CXADR: variants seen among roughly 807,000 people sequenced by gnomAD.
The protein encoded by CXADR is CXADR cell adhesion molecule.
A neutral mutation model predicts 40.3 loss-of-function variants in CXADR; 20 were observed. That is an observed-to-expected ratio of 0.50 (90% CI 0.35 to 0.72). The LOEUF (loss-of-function observed/expected upper bound fraction) is 0.72. CXADR is among the 30% of genes least tolerant of loss of function. The pLI is 0.01. For synonymous variants in CXADR, 150 were observed against 161.3 expected (o/e 0.93, Z 0.53); for missense variants, 332 against 449.1 (o/e 0.74, Z 2.36).
At chr21:17,572,392 A>G (rs2061285488), downstream of CXADR, among the ~76,000 whole-genome samples, 1 of 151,934 alleles carries the variant, frequency 6.6e-6, no homozygotes, top group South Asian at 2.1e-4. Context: ...AAGGGGCAGT[A>G]TCATGAGAAA....
rs184534425 is a variant in CXADR, at chr21:17,514,244, G to T, written c.43+1072G>T. On this transcript the variant is annotated intron_variant, in intron 1 of 6. Transcript: ENST00000284878. ...AGGTGCTCTGAAGCAGGATCTAGTG[G>T]CCCTTTCTGTTGGGATGGCTCTCTG... is the stretch of plus-strand genomic sequence containing the variant. 3.8e-4 allele frequency among the ~76,000 whole-genome samples: 58 copies of T among 152,096 alleles called. 1 individual carries two copies. Among genetic ancestry groups the T allele is most frequent in the African/African-American group, 1.4e-3 (58 of 41,486 alleles).
At chr21:17,608,293 A>G in the CXADR span, among the ~76,000 whole-genome samples, 1 of 152,084 alleles carries the variant, frequency 6.6e-6, no homozygotes, top group Non-Finnish European at 1.5e-5. Flanking sequence ...GGATTGCTTG[A>G]GCCCAGGAGT....
chr21:17,545,782 T>TG (rs1491112388), intron 1 of CXADR, among the ~76,000 whole-genome samples: 24 of 36,630 alleles, frequency 6.6e-4, no homozygotes, highest in South Asian at 1.4e-3. Flanking sequence ...GTTTTTTTTG[T>TG]TTTTTTTTTT....
intron 1 of CXADR, among the ~76,000 whole-genome samples, chr21:17,534,632 C>G (rs1463425597): frequency 1.3e-5 from 2 of 152,106 alleles, no homozygotes; most frequent in Admixed American, 6.6e-5. Flanking sequence ...TAGAGTATCT[C>G]AGTGACTTGC....
chr21:17,521,334 T>C (rs1248896956), intron 1 of CXADR, among the ~76,000 whole-genome samples: 2 of 152,064 alleles, frequency 1.3e-5, no homozygotes, highest in African/African-American at 4.8e-5. Flanking sequence ...ATTATTATTA[T>C]TATTTTGAGA....
At chr21:17,594,880 G>T (rs2061484492), downstream of CXADR, among the ~76,000 whole-genome samples, 1 of 151,844 alleles carries the variant, frequency 6.6e-6, no homozygotes, top group East Asian at 1.9e-4. Flanking sequence ...GAGCAGAAAA[G>T]ATAACTATTG....
chr21:17,536,478 C>G (rs550222737), intron 1 of CXADR, among the ~76,000 whole-genome samples: 1 of 152,104 alleles, frequency 6.6e-6, no homozygotes, highest in Non-Finnish European at 1.5e-5. Context: ...CTCCCATCAC[C>G]GGTCTGCCTT....
the CXADR span, among the ~76,000 whole-genome samples, chr21:17,630,650 C>CTTTTTTTTTTT: frequency 2.6e-4 from 30 of 116,870 alleles, no homozygotes; most frequent in East Asian, 4.9e-4. Flanking sequence ...CTTCCTTCTT[C>CTTTTTTTTTTT]TTTTTTTTTT....
At chr21:17,604,254 A>G in the CXADR span, 2 of 370,210 alleles carry the variant, frequency 5.4e-6, no homozygotes, top group Non-Finnish European at 9.7e-6. Context: ...CAGTCTGGCC[A>G]ACATGGTGAA....
the CXADR span, among the ~76,000 whole-genome samples, chr21:17,630,123 A>T: frequency 2.0e-4 from 31 of 152,344 alleles, no homozygotes; most frequent in East Asian, 6.0e-3. Flanking sequence ...TCTTTCTTGA[A>T]TTAAAAAAAG....
Position 17,566,861 on chromosome 21 carries a change from G to C in CXADR, c.*1169G>C, listed in dbSNP as rs1569138950. The C allele has an allele frequency of 5.1e-6, 5 of 983,660 alleles. No homozygotes were observed. The East Asian group carries it at 4.6e-4, about 90-fold the overall frequency. 60.9% of individuals were successfully genotyped at this position (983,660 alleles called of 1,614,324 possible). ...GGAGGATGTACAGTTGCTGTTGTGT[G>C]ATCAAACATGTCTCTGTGTAGTTCC... On this transcript the variant is annotated 3_prime_UTR_variant, in exon 7 of 7. Transcript: ENST00000284878.
chr21:17,634,266 C>G, the CXADR span, among the ~76,000 whole-genome samples: 79 of 152,292 alleles, frequency 5.2e-4, no homozygotes, highest in African/African-American at 1.9e-3. Context: ...GATCCTTCAT[C>G]TGGGGCCTAC....
chr21:17,598,474 A>G, downstream of CXADR: 1 of 646,582 alleles, frequency 1.5e-6, no homozygotes, highest in Non-Finnish European at 2.6e-6. Flanking sequence ...CCAGAGAAAC[A>G]GCTTTCCCTT....
intron 1 of CXADR, among the ~76,000 whole-genome samples, chr21:17,522,735 G>T (rs753520036): frequency 6.6e-6 from 1 of 151,930 alleles, no homozygotes; most frequent in African/African-American, 2.4e-5. Context: ...CATTTCCTTC[G>T]TGTACCGTAA....
At chr21:17,529,255 A>G (rs1375907057) in intron 1 of CXADR, among the ~76,000 whole-genome samples, 1 of 150,288 alleles carries the variant, frequency 6.7e-6, no homozygotes, top group Non-Finnish European at 1.5e-5. Context: ...CTGGTGTCGA[A>G]CTCCTGACTT....
the CXADR span, chr21:17,611,829 T>G: frequency 1.3e-5 from 2 of 152,174 alleles, no homozygotes; most frequent in Non-Finnish European, 2.9e-5. Context: ...TCGCAGGAGT[T>G]TATAACTTTT....
At chr21:17,587,426 G>A (rs538920072) in intron 7 of CXADR, among the ~76,000 whole-genome samples, 11 of 152,202 alleles carry the variant, frequency 7.2e-5, no homozygotes, top group African/African-American at 2.4e-4. Flanking sequence ...TTAAATGATC[G>A]CCATTCTAAC....
chr21:17,521,430 C>G lies in CXADR; in HGVS notation c.43+8258C>G, dbSNP rs919402293. On this transcript the variant is annotated intron_variant, in intron 1 of 6. Coordinates refer to ENST00000284878, the MANE Select transcript of CXADR (RefSeq NM_001338.5). ...TTCCACCTCCTGGGTTCAAGCGATT[C>G]TCCTGCCTCAGCGTCCCGAGTAGCT... Among the ~76,000 whole-genome samples, 3 of 152,204 alleles carry G rather than the reference C, an allele frequency of 2.0e-5. No individual in the cohort carries two copies. In the East Asian group the frequency reaches 5.8e-4, roughly 29 times the overall value.
the CXADR span, among the ~76,000 whole-genome samples, chr21:17,630,551 A>G: frequency 6.6e-6 from 1 of 151,906 alleles, no homozygotes; most frequent in Non-Finnish European, 1.5e-5. Flanking sequence ...ATATTTCTGT[A>G]TACTGTTGGT....
Sources: gnomAD v4.1 joint callset for allele counts (sites outside exome capture counted in the v4.1 genomes callset) on GRCh38, gnomAD v4.1.1 for gene constraint, MANE v1.5 for transcripts, NCBI Gene and HGNC (gene_info 2026-07-23, HGNC 2026-07-21) for gene names.